The following DPY19L2 variants were observed in gnomAD, a reference collection of about 807,000 sequenced individuals.
The protein encoded by DPY19L2 is dpy-19 like 2.
Under a neutral mutation model 97.9 loss-of-function variants are expected in DPY19L2, and 34 were observed. The ratio of observed to expected loss-of-function variants is 0.35; its 90% CI spans 0.26 to 0.46. The LOEUF (loss-of-function observed/expected upper bound fraction) is 0.46, where lower values mean the gene tolerates loss of function less well. DPY19L2 is among the 20% of genes least tolerant of loss of function. DPY19L2 has a pLI of 1.00. For missense variants in DPY19L2, 623 were observed against 911.4 expected (o/e 0.68, Z 4.07); for synonymous variants, 230 against 307.9 (o/e 0.75, Z 2.65).
rs1876107368 is a variant in DPY19L2 at position 63,559,558 on chromosome 12, C to G, written c.*954G>C. ...CTTAGAAAACATGACTTTCCTCACCCAAAACCAAAAATAAATGAGGGCTTA... is the reference window on the plus strand; with the variant it reads ...CTTAGAAAACATGACTTTCCTCACCGAAAACCAAAAATAAATGAGGGCTTA... On this transcript the variant is annotated 3_prime_UTR_variant, in exon 22 of 22. Transcript: ENST00000324472. 6.6e-6 allele frequency: 1 copy of G among 152,484 alleles called. No homozygotes were observed. Among genetic ancestry groups the G allele is most frequent in the Admixed American group, 6.6e-5 (1 of 15,264 alleles). 9.4% of individuals were successfully genotyped at this position (152,484 alleles called of 1,614,324 possible). A position where few individuals can be genotyped will look rare whatever the true frequency, so the allele number is the denominator to read the frequency against.
chr12:63,582,600 T>C, intron 17 of DPY19L2, 75 bp from the exon 18 acceptor site: 1 of 1,412,546 alleles, frequency 7.1e-7, no homozygotes, highest in Non-Finnish European at 9.5e-7. Context: ...ATTAAAACTA[T>C]ATTATTCATT....
At chr12:63,621,545 A>G (rs995020418) in intron 8 of DPY19L2, among the ~76,000 whole-genome samples, 5 of 152,198 alleles carry the variant, frequency 3.3e-5, no homozygotes, top group African/African-American at 9.7e-5. Flanking sequence ...GAGTTTTAAT[A>G]TTAACATTGT....
At chr12:63,636,422 A>G (rs1189924397) in intron 6 of DPY19L2, among the ~76,000 whole-genome samples, 1 of 152,092 alleles carries the variant, frequency 6.6e-6, no homozygotes, top group Non-Finnish European at 1.5e-5. Context: ...AATTCACATA[A>G]AACAATATTA....
chr12:63,621,425 T>G lies in DPY19L2; in HGVS notation c.954-88A>C, dbSNP rs1043141921. 3.2e-5 allele frequency: 23 copies of G among 717,498 alleles called. No homozygotes were observed. The African/African-American group carries it at 3.4e-4, about 11-fold the overall frequency. 44.4% of individuals were successfully genotyped at this position (717,498 alleles called of 1,614,324 possible). ...AGACTAATTGCAAAATGATAAAATC[T>G]ACATTATTCCATTACCTTTACTATA... On this transcript the variant is annotated intron_variant, in intron 8 of 21. Coordinates refer to ENST00000324472, the MANE Select transcript of DPY19L2 (RefSeq NM_173812.5).
chr12:63,634,188 A>C (rs547784778), intron 6 of DPY19L2, among the ~76,000 whole-genome samples: 2 of 152,292 alleles, frequency 1.3e-5, no homozygotes, highest in South Asian at 4.1e-4. Flanking sequence ...CGTTGTGCAC[A>C]TGTACCCTAA....
chr12:63,651,023 C>T (rs908117854), intron 4 of DPY19L2, among the ~76,000 whole-genome samples: 4 of 152,124 alleles, frequency 2.6e-5, no homozygotes, highest in Non-Finnish European at 1.5e-5. Flanking sequence ...GCTACAATAA[C>T]CAAAACAGCA....
intron 12 of DPY19L2, among the ~76,000 whole-genome samples, chr12:63,605,785 T>A (rs575049341): frequency 6.6e-6 from 1 of 152,296 alleles, no homozygotes; most frequent in East Asian, 1.9e-4. Flanking sequence ...CTGGAACTGA[T>A]ATTTGTGTAT....
At chr12:63,563,298 C>T (rs1352814560) in intron 21 of DPY19L2, among the ~76,000 whole-genome samples, 1 of 152,042 alleles carries the variant, frequency 6.6e-6, no homozygotes, top group African/African-American at 2.4e-5. Flanking sequence ...TCAATGTGTT[C>T]TCTTGTGGAT....
intron 4 of DPY19L2, chr12:63,661,138 T>G: frequency 2.6e-6 from 1 of 382,436 alleles, no homozygotes; most frequent in Non-Finnish European, 4.5e-6. Context: ...CACACTAAGG[T>G]TCATTCTTCG....
At chr12:63,623,838 G>A (rs1889094387) in intron 8 of DPY19L2, 1 of 407,510 alleles carries the variant, frequency 2.5e-6, no homozygotes, top group Non-Finnish European at 4.7e-6. Flanking sequence ...CCAAGTAGCT[G>A]GGATGACAGA....
At chr12:63,660,383 G>C (rs3932237) in intron 4 of DPY19L2, among the ~76,000 whole-genome samples, 93,425 of 150,910 alleles carry the variant, frequency 0.62, 29,087 homozygotes, top group East Asian at 0.74. Flanking sequence ...AAAAATCCTA[G>C]AGTGACACAT....
chr12:63,642,377 T>C (rs1292833039), intron 6 of DPY19L2, among the ~76,000 whole-genome samples: 1 of 152,176 alleles, frequency 6.6e-6, no homozygotes, highest in Non-Finnish European at 1.5e-5. Flanking sequence ...TGGATTTTTT[T>C]ATCTTGTTTA....
chr12:63,562,363 TTATTAG>T (rs1352678435), intron 21 of DPY19L2, among the ~76,000 whole-genome samples: 9 of 152,230 alleles, frequency 5.9e-5, no homozygotes, highest in African/African-American at 2.2e-4. Flanking sequence ...TTATTCATTT[TTATTAG>T]TGAGTAATAT....
At chr12:63,627,168 G>C (rs1338241460) in intron 6 of DPY19L2, among the ~76,000 whole-genome samples, 5 of 152,096 alleles carry the variant, frequency 3.3e-5, no homozygotes, top group East Asian at 1.9e-4. Flanking sequence ...TTTATCTTTT[G>C]AAATTGGATT....
chr12:63,582,555 T>C, intron 17 of DPY19L2, 30 bp from the exon 18 acceptor site: 1 of 1,592,504 alleles, frequency 6.3e-7, no homozygotes, highest in South Asian at 1.2e-5. Flanking sequence ...CAAAATCACA[T>C]TTTTACTTTT....
intron 6 of DPY19L2, among the ~76,000 whole-genome samples, chr12:63,634,846 C>T (rs868474518): frequency 6.6e-6 from 1 of 152,204 alleles, no homozygotes; most frequent in South Asian, 2.1e-4. Context: ...GTAGACTCCA[C>T]CTCTGGGGGC....
At chr12:63,625,615 T>A (rs933693932) in intron 7 of DPY19L2, among the ~76,000 whole-genome samples, 3 of 152,140 alleles carry the variant, frequency 2.0e-5, no homozygotes, top group Non-Finnish European at 4.4e-5. Context: ...GGACTATGTT[T>A]CATTGGGCTG....
chr12:63,635,485 C>T (rs1049879774), intron 6 of DPY19L2, among the ~76,000 whole-genome samples: 3 of 152,088 alleles, frequency 2.0e-5, no homozygotes, highest in African/African-American at 7.2e-5. Flanking sequence ...CAACAAACTT[C>T]TCCAAGCTAA....
intron 21 of DPY19L2, among the ~76,000 whole-genome samples, chr12:63,562,234 TC>T (rs1246382240): frequency 6.6e-6 from 1 of 152,170 alleles, no homozygotes; most frequent in African/African-American, 2.4e-5. Flanking sequence ...TATCCATCTC[TC>T]CCAAAAGTTT....
Sources: gnomAD v4.1 joint callset for allele counts (sites outside exome capture counted in the v4.1 genomes callset) on GRCh38, gnomAD v4.1.1 for gene constraint, MANE v1.5 for transcripts, NCBI Gene and HGNC (gene_info 2026-07-23, HGNC 2026-07-21) for gene names.